LPAR1: variants seen among roughly 807,000 people sequenced by gnomAD.
LPAR1 encodes LPA receptor 1.
LPAR1 carries 5 observed loss-of-function variants against 23.8 expected under a neutral mutation model. The ratio of observed to expected loss-of-function variants is 0.21; its 90% CI spans 0.11 to 0.44. The LOEUF is 0.44. Ranked by LOEUF, LPAR1 falls within the 20% of genes least tolerant of loss-of-function variation. The pLI, the probability that LPAR1 is intolerant of heterozygous loss-of-function variation, is 0.99. For synonymous variants in LPAR1, 160 were observed against 164.7 expected (o/e 0.97, Z 0.22); for missense variants, 311 against 482.8 (o/e 0.64, Z 3.33).
chr9:110,911,018 G>C (rs1397994257), intron 5 of LPAR1, among the ~76,000 whole-genome samples: 1 of 152,202 alleles, frequency 6.6e-6, no homozygotes, highest in Non-Finnish European at 1.5e-5. Context: ...AGCAGCATTA[G>C]GGTTTGAGAG....
intron 3 of LPAR1, among the ~76,000 whole-genome samples, chr9:110,973,001 T>C (rs1194081397): frequency 1.3e-5 from 2 of 151,908 alleles, no homozygotes; most frequent in South Asian, 2.1e-4. Context: ...CAACCCTGTA[T>C]ATAACAGAGA....
chr9:111,006,168 T>G (rs2097214929), intron 2 of LPAR1, among the ~76,000 whole-genome samples: 2 of 152,212 alleles, frequency 1.3e-5, no homozygotes, highest in African/African-American at 4.8e-5. Context: ...ACAAGTATTC[T>G]AACACAACTA....
chr9:110,917,730 T>C (rs1266111942), intron 5 of LPAR1, among the ~76,000 whole-genome samples: 1 of 152,218 alleles, frequency 6.6e-6, no homozygotes, highest in Non-Finnish European at 1.5e-5. Context: ...TTTTACTTTA[T>C]GGCCACCAAA....
At chr9:110,964,003 TA>T (rs1363943659) in intron 4 of LPAR1, among the ~76,000 whole-genome samples, 5 of 152,232 alleles carry the variant, frequency 3.3e-5, no homozygotes, top group Non-Finnish European at 7.3e-5. Context: ...ATACTGCAAT[TA>T]ATTGTTCACA....
chr9:110,948,421 T>G (rs1481434003), intron 4 of LPAR1, among the ~76,000 whole-genome samples: 10 of 152,190 alleles, frequency 6.6e-5, no homozygotes, highest in Non-Finnish European at 1.5e-4. Flanking sequence ...TTTAGGAGGT[T>G]TATCTGAAAA....
At chr9:111,035,186 T>C (rs748768150) in intron 2 of LPAR1, among the ~76,000 whole-genome samples, 3 of 152,120 alleles carry the variant, frequency 2.0e-5, no homozygotes, top group Non-Finnish European at 2.9e-5. Context: ...ATTACCTCCT[T>C]TTCTCTCAAC....
chr9:110,999,698 G>A (rs1427091582), intron 2 of LPAR1, among the ~76,000 whole-genome samples: 1 of 151,960 alleles, frequency 6.6e-6, no homozygotes, highest in Admixed American at 6.6e-5. Context: ...AGCTCTTCTG[G>A]GGTCACATTT....
chr9:110,992,244 T>C (rs981131202), intron 2 of LPAR1, among the ~76,000 whole-genome samples: 8 of 152,142 alleles, frequency 5.3e-5, no homozygotes, highest in African/African-American at 1.9e-4. Context: ...AATATACGGA[T>C]GGCAGATAAG....
chr9:111,003,575 C>A (rs1328873523), intron 2 of LPAR1, among the ~76,000 whole-genome samples: 1 of 152,180 alleles, frequency 6.6e-6, no homozygotes, highest in Non-Finnish European at 1.5e-5. Flanking sequence ...GAAGGAAAAT[C>A]TCCTTCTCTT....
chr9:110,893,513 T>C (rs191012791), intron 5 of LPAR1, among the ~76,000 whole-genome samples: 2 of 152,188 alleles, frequency 1.3e-5, no homozygotes, highest in African/African-American at 4.8e-5. Flanking sequence ...CTTATATGTA[T>C]ATATACCCTA....
intron 4 of LPAR1, among the ~76,000 whole-genome samples, chr9:110,959,367 G>C (rs1428655471): frequency 6.6e-6 from 1 of 151,998 alleles, no homozygotes; most frequent in Non-Finnish European, 1.5e-5. Context: ...CATCATTTCA[G>C]CACTTTAGGG....
intron 2 of LPAR1, among the ~76,000 whole-genome samples, chr9:111,031,589 A>C (rs2097796555): frequency 6.6e-6 from 1 of 152,014 alleles, no homozygotes; most frequent in Admixed American, 6.6e-5. Context: ...CCAAGACCCT[A>C]TCTCAAATAA....
At position 110,941,225 on chromosome 9, in the gene LPAR1, T is replaced by C. The variant is rs2095078754; in HGVS notation, c.793+196A>G. On this transcript the variant is annotated intron_variant, in intron 5 of 5. Transcript: ENST00000683809. This position sits in a 1 kb window ranked among gnomAD's most constrained non-coding sequence, Gnocchi z 6.1. ...TATACTGCACCACTGGGACCCATGT[T>C]TCCCTAACGCTAATTCTATAATTTT... 6.6e-6 allele frequency among the ~76,000 whole-genome samples: 1 copy of C among 152,178 alleles called. No homozygotes were observed. Among genetic ancestry groups the C allele is most frequent in the East Asian group, 1.9e-4 (1 of 5,196 alleles).
intron 5 of LPAR1, among the ~76,000 whole-genome samples, chr9:110,929,999 G>C (rs2094298478): frequency 6.6e-6 from 1 of 152,102 alleles, no homozygotes; most frequent in Admixed American, 6.5e-5. Context: ...ACAGCTGCCT[G>C]TGAATTCTAC....
At chr9:111,029,743 A>T (rs934724516) in intron 2 of LPAR1, among the ~76,000 whole-genome samples, 2 of 151,042 alleles carry the variant, frequency 1.3e-5, no homozygotes, top group Admixed American at 1.3e-4. Context: ...TACTTTCTTA[A>T]TTTTTTTTTA....
intron 5 of LPAR1, among the ~76,000 whole-genome samples, chr9:110,912,287 T>C (rs2092552728): frequency 1.3e-5 from 2 of 152,232 alleles, no homozygotes; most frequent in African/African-American, 4.8e-5. Context: ...ATTACAGAAT[T>C]GTGCAACTTG....
Position 110,972,204 on chromosome 9 carries a change from TAGG to T in LPAR1, c.-90_-88del. ...TTTGCTGATCAGATCGAAGTCATGC[TAGG>T]AGAAGCTGTGTACCTGGAAAACAAC... On this transcript the variant is annotated 5_prime_UTR_variant, in exon 4 of 6. Transcript: ENST00000683809. The T allele has an allele frequency of 8.5e-7, 1 of 1,182,810 alleles. No individual in the cohort carries two copies. Among genetic ancestry groups the T allele is most frequent in the Non-Finnish European group, 1.3e-6 (1 of 789,734 alleles). The allele number at this position is 1,182,810 out of a possible 1,614,324, so 73.3% of individuals were successfully genotyped here.
intron 5 of LPAR1, among the ~76,000 whole-genome samples, chr9:110,880,718 C>T (rs1478963213): frequency 6.6e-6 from 1 of 152,186 alleles, no homozygotes; most frequent in East Asian, 1.9e-4. Context: ...GAAACAGTCC[C>T]ATCTCAGAGA....
At chr9:110,977,937 GCAATACC>G (rs2096595344) in intron 2 of LPAR1, among the ~76,000 whole-genome samples, 1 of 150,324 alleles carries the variant, frequency 6.7e-6, no homozygotes, top group Non-Finnish European at 1.5e-5. Flanking sequence ...AGAAAACAAG[GCAATACC>G]CAATACTGAA....
Sources: gnomAD v4.1 joint callset for allele counts (sites outside exome capture counted in the v4.1 genomes callset) on GRCh38, gnomAD v4.1.1 for gene constraint, Gnocchi (gnomAD v3.1) non-coding constraint, MANE v1.5 for transcripts, NCBI Gene and HGNC (gene_info 2026-07-23, HGNC 2026-07-21) for gene names.